Variants in SYTL5 observed in about 807,000 individuals in gnomAD.
SYTL5 encodes synaptotagmin like 5, also known as synaptotagmin-like protein 5.
A neutral mutation model predicts 55.9 loss-of-function variants in SYTL5; 34 were observed. That is an observed-to-expected ratio of 0.61 (90% CI 0.46 to 0.81). The LOEUF is 0.81. SYTL5 is among the 30% of genes least tolerant of loss of function. SYTL5 has a pLI of 0.00. For synonymous variants in SYTL5, 221 were observed against 188.7 expected (o/e 1.17, Z -1.40); for missense variants, 637 against 546.7 (o/e 1.17, Z -1.65).
intron 3 of SYTL5, among the ~76,000 whole-genome samples, chrX:38,056,931 T>C (rs1015155031): frequency 3.6e-5 from 4 of 111,795 alleles, no homozygotes; most frequent in African/African-American, 1.3e-4. Flanking sequence ...ATTCTGCAAG[T>C]TGTCTCTTCA....
At chrX:37,911,616 A>G in the SYTL5 span, among the ~76,000 whole-genome samples, 1 of 111,805 alleles carries the variant, frequency 8.9e-6, no homozygotes, top group Non-Finnish European at 1.9e-5. Flanking sequence ...TTCTAATTTA[A>G]TCACACAATT....
intron 4 of SYTL5, among the ~76,000 whole-genome samples, chrX:38,073,012 T>A (rs1438824528): frequency 9.0e-6 from 1 of 111,515 alleles, no homozygotes; most frequent in Non-Finnish European, 1.9e-5. Flanking sequence ...TACTTCTGGG[T>A]GTGGCACTAG....
intron 15 of SYTL5, among the ~76,000 whole-genome samples, chrX:38,122,614 G>A (rs770304537): frequency 4.1e-4 from 46 of 112,034 alleles, no homozygotes; most frequent in Admixed American, 5.7e-4. Flanking sequence ...CTCTCTTGGG[G>A]GAAATTGTAA....
rs1010629233 is a variant in SYTL5, at chrX:38,054,565, G to T, written c.329+143G>T. The T allele has an allele frequency of 1.0e-5, 5 of 495,260 alleles. No homozygotes were observed. In the African/African-American group the frequency reaches 1.2e-4, roughly 12 times the overall value. The allele number at this position is 495,260 out of a possible 1,213,427, so 40.8% of individuals were successfully genotyped here. A position where few individuals can be genotyped will look rare whatever the true frequency, so the allele number is the denominator to read the frequency against. On this transcript the variant is annotated intron_variant, in intron 3 of 16. Transcript: ENST00000297875. ...ACAGCCCAATCACAGGCTTAGCAAT[G>T]CCTTGGCAGGGCTCTGGGGTGTGTG...
At chrX:37,972,884 G>A in the SYTL5 span, among the ~76,000 whole-genome samples, 2 of 85,853 alleles carry the variant, frequency 2.3e-5, no homozygotes, top group Non-Finnish European at 5.4e-5. Flanking sequence ...AGAAAGGAAT[G>A]TTCAGGTTAA....
chrX:38,013,325 A>G (rs1362593131), intron 1 of SYTL5, among the ~76,000 whole-genome samples: 1 of 112,333 alleles, frequency 8.9e-6, no homozygotes, highest in Non-Finnish European at 1.9e-5. Context: ...ATAGGATATA[A>G]CTAAATATTG....
At chrX:38,099,307 A>G (rs1170663462) in intron 9 of SYTL5, among the ~76,000 whole-genome samples, 1 of 111,172 alleles carries the variant, frequency 9.0e-6, no homozygotes, top group Non-Finnish European at 1.9e-5. Flanking sequence ...ACTTTTGAAA[A>G]GAAAGTAAAG....
At chrX:38,116,676 C>T (rs1335672853) in intron 13 of SYTL5, among the ~76,000 whole-genome samples, 1 of 112,647 alleles carries the variant, frequency 8.9e-6, no homozygotes, top group African/African-American at 3.2e-5. Flanking sequence ...TTCTTCTATT[C>T]AACTGAATTG....
At chrX:38,073,361 T>C (rs775527459) in intron 4 of SYTL5, among the ~76,000 whole-genome samples, 26 of 111,769 alleles carry the variant, frequency 2.3e-4, no homozygotes, top group Non-Finnish European at 4.3e-4. Flanking sequence ...GTTATCTCAG[T>C]AAACCTCCCA....
At chrX:37,909,190 G>A in the SYTL5 span, among the ~76,000 whole-genome samples, 9,035 of 111,574 alleles carry the variant, frequency 0.081, 921 homozygotes, top group African/African-American at 0.28. Context: ...CATGAAAAGA[G>A]TGTATATTAT....
At chrX:38,121,128 C>T (rs1309755010) in intron 14 of SYTL5, among the ~76,000 whole-genome samples, 1 of 110,888 alleles carries the variant, frequency 9.0e-6, no homozygotes, top group Non-Finnish European at 1.9e-5. Context: ...GAGAAGGTGC[C>T]ACATACTTTT....
the SYTL5 span, among the ~76,000 whole-genome samples, chrX:37,958,746 C>T: frequency 1.8e-5 from 2 of 112,015 alleles, no homozygotes; most frequent in East Asian, 5.6e-4. Context: ...GCTGCAAGCC[C>T]GTGAGATCAA....
chrX:38,033,712 G>A lies in SYTL5; in HGVS notation c.-178G>A, dbSNP rs1056896586. ...GTAATCCCAGTGGAGGCTGTTCTAC[G>A]TATAGCCTGAAAGAATACTTAACTA... On this transcript the variant is annotated 5_prime_UTR_variant, in exon 2 of 17. Coordinates refer to ENST00000297875, the MANE Select transcript of SYTL5 (RefSeq NM_138780.3). 5 of 298,989 alleles carry A rather than the reference G, an allele frequency of 1.7e-5. No individual in the cohort carries two copies. The highest frequency in any genetic ancestry group is 5.0e-5 in the East Asian group (1 of 20,020). 24.6% of individuals were successfully genotyped at this position (298,989 alleles called of 1,213,427 possible).
At chrX:38,002,136 A>G (rs192544516), upstream of SYTL5, among the ~76,000 whole-genome samples, 26 of 110,502 alleles carry the variant, frequency 2.4e-4, no homozygotes, top group Admixed American at 2.5e-3. Flanking sequence ...TGTCCTTGCA[A>G]TAGTTTGCTG....
At chrX:37,933,390 T>A in the SYTL5 span, among the ~76,000 whole-genome samples, 1 of 110,967 alleles carries the variant, frequency 9.0e-6, no homozygotes, top group Non-Finnish European at 1.9e-5. Context: ...AAAAAACCAA[T>A]AGCCTACAAT....
chrX:37,928,773 G>C, the SYTL5 span, among the ~76,000 whole-genome samples: 1 of 111,874 alleles, frequency 8.9e-6, no homozygotes, highest in African/African-American at 3.2e-5. Context: ...CTGATTACTG[G>C]CACAATTATT....
At chrX:38,112,757 T>C (rs1937388261) in intron 13 of SYTL5, among the ~76,000 whole-genome samples, 1 of 112,048 alleles carries the variant, frequency 8.9e-6, no homozygotes, top group Admixed American at 9.5e-5. Context: ...TGGTTGATTA[T>C]CAGCCAGCTA....
chrX:37,893,536 T>A, the SYTL5 span, among the ~76,000 whole-genome samples: 2 of 88,644 alleles, frequency 2.3e-5, no homozygotes, highest in East Asian at 6.5e-4. Flanking sequence ...TATCTATAGA[T>A]AATATATAAT....
the SYTL5 span, among the ~76,000 whole-genome samples, chrX:37,905,893 C>T: frequency 8.8e-6 from 1 of 113,100 alleles, no homozygotes; most frequent in Non-Finnish European, 1.9e-5. Context: ...GGCTGTGAGC[C>T]CCGTGGATGG....
Sources: gnomAD v4.1 joint callset for allele counts (sites outside exome capture counted in the v4.1 genomes callset) on GRCh38, gnomAD v4.1.1 for gene constraint, MANE v1.5 for transcripts, NCBI Gene and HGNC (gene_info 2026-07-23, HGNC 2026-07-21) for gene names.